EPHA6: variants seen among roughly 807,000 people sequenced by gnomAD.
EPHA6 encodes ephrin type-A receptor 6.
In EPHA6, 50 loss-of-function variants were observed where a neutral mutation model predicts 112.0. That is an observed-to-expected ratio of 0.45 (90% CI 0.36 to 0.56). The LOEUF (loss-of-function observed/expected upper bound fraction) is 0.56, where lower values mean the gene tolerates loss of function less well. Ranked by LOEUF, EPHA6 falls within the 20% of genes least tolerant of loss-of-function variation. The pLI is 0.00. For missense variants in EPHA6, 1,280 were observed against 1,417.4 expected (o/e 0.90, Z 1.56); for synonymous variants, 529 against 490.7 (o/e 1.08, Z -1.03).
At chr3:97,567,734 A>G (rs995444006) in intron 11 of EPHA6, among the ~76,000 whole-genome samples, 6 of 152,176 alleles carry the variant, frequency 3.9e-5, no homozygotes, top group Non-Finnish European at 8.8e-5. Context: ...CCTCTTACCC[A>G]TGAACGTGCA....
intron 11 of EPHA6, among the ~76,000 whole-genome samples, chr3:97,580,281 A>G (rs1447402351): frequency 1.3e-5 from 2 of 152,178 alleles, no homozygotes. Flanking sequence ...ATAATCATTC[A>G]CCACCCCTAG....
intron 14 of EPHA6, among the ~76,000 whole-genome samples, chr3:97,719,509 G>A (rs1293820255): frequency 6.6e-6 from 1 of 151,856 alleles, no homozygotes; most frequent in East Asian, 1.9e-4. Context: ...CAGTAAAAAG[G>A]GATTTATAGA....
chr3:97,413,913 A>G (rs967631160), intron 6 of EPHA6, among the ~76,000 whole-genome samples: 1 of 152,006 alleles, frequency 6.6e-6, no homozygotes, highest in Non-Finnish European at 1.5e-5. Flanking sequence ...AACTGGCCTT[A>G]CCAAAGAGTT....
chr3:96,914,136 A>G (rs1040294131), intron 2 of EPHA6, among the ~76,000 whole-genome samples: 2 of 152,188 alleles, frequency 1.3e-5, no homozygotes, highest in African/African-American at 4.8e-5. Context: ...ATGCCGGCAC[A>G]AAAGAATGCA....
intron 5 of EPHA6, 36 bp from the exon 6 acceptor site, chr3:97,405,114 T>C: frequency 6.4e-7 from 1 of 1,553,556 alleles, no homozygotes; most frequent in Non-Finnish European, 8.7e-7. Context: ...AAATGATTCC[T>C]GCCAATTAAT....
Position 96,908,371 on chromosome 3 carries a change from G to A in EPHA6, c.450+41482G>A, listed in dbSNP as rs538064945. 2.6e-5 allele frequency among the ~76,000 whole-genome samples: 4 copies of A among 152,006 alleles called. No individual in the cohort carries two copies. The East Asian group carries it at 7.7e-4, about 29-fold the overall frequency. On this transcript the variant is annotated intron_variant, in intron 2 of 17. Coordinates refer to ENST00000389672, the MANE Select transcript of EPHA6 (RefSeq NM_001080448.3). Reference sequence around the variant, plus strand: ...GAATAACCACAGAGCTTTGCAAAATGTTTTATATATTTTACCAGAGATTTG... The same window carrying A: ...GAATAACCACAGAGCTTTGCAAAATATTTTATATATTTTACCAGAGATTTG...
chr3:96,920,228 C>T (rs969603997), intron 2 of EPHA6, among the ~76,000 whole-genome samples: 3 of 151,644 alleles, frequency 2.0e-5, no homozygotes, highest in Non-Finnish European at 4.4e-5. Context: ...CTTCCTACAG[C>T]CAAAGATGAT....
At chr3:96,875,780 G>A (rs1392054300) in intron 2 of EPHA6, among the ~76,000 whole-genome samples, 1 of 151,760 alleles carries the variant, frequency 6.6e-6, no homozygotes, top group East Asian at 1.9e-4. Flanking sequence ...TAAAAGGTAT[G>A]GGTCTCATTA....
At chr3:97,068,264 A>G (rs986347033) in intron 3 of EPHA6, among the ~76,000 whole-genome samples, 3 of 151,882 alleles carry the variant, frequency 2.0e-5, no homozygotes, top group African/African-American at 7.3e-5. Flanking sequence ...ATGAGCTGAT[A>G]GGCAGAAGCC....
intron 12 of EPHA6, among the ~76,000 whole-genome samples, chr3:97,600,400 G>A (rs1466855076): frequency 1.3e-5 from 2 of 150,536 alleles, no homozygotes; most frequent in East Asian, 3.9e-4. Context: ...ATTGGCTGTG[G>A]GTTTGTCATA....
chr3:97,629,132 T>C (rs1297716497), intron 13 of EPHA6, among the ~76,000 whole-genome samples: 1 of 151,946 alleles, frequency 6.6e-6, no homozygotes, highest in Admixed American at 6.6e-5. Context: ...CTTACTCTGT[T>C]GCCCAGGCTT....
In EPHA6 at chr3:96,882,167, G is replaced by T. The variant is rs140035801; in HGVS notation, c.450+15278G>T. Among the ~76,000 whole-genome samples the T allele has an allele frequency of 3.1e-3, 468 of 152,238 alleles. 1 individual carries two copies. Among genetic ancestry groups the T allele is most frequent in the Non-Finnish European group, 5.0e-3 (337 of 68,012 alleles). ...TGTAGGAACTCTGTGTGGAGGCTCT[G>T]ACCCCACATTTCCCTTCCGCACTTT... On this transcript the variant is annotated intron_variant, in intron 2 of 17. Transcript: ENST00000389672.
Position 97,139,675 on chromosome 3 carries a change from G to T in EPHA6, c.1115-86589G>T, listed in dbSNP as rs1576556764. On this transcript the variant is annotated intron_variant, in intron 3 of 17. Coordinates refer to ENST00000389672, the MANE Select transcript of EPHA6 (RefSeq NM_001080448.3). The stretch of plus-strand genomic sequence containing the variant: ...CATGTGCAACACTCCCACCCTCGGG[G>T]GGAAACAAATCCCTCCCAAACAAAA... 3.3e-5 allele frequency among the ~76,000 whole-genome samples: 5 copies of T among 152,206 alleles called. 1 individual carries two copies. The East Asian group carries it at 9.7e-4, about 29-fold the overall frequency.
chr3:97,007,492 T>C (rs1162775113), intron 3 of EPHA6, among the ~76,000 whole-genome samples: 2 of 152,028 alleles, frequency 1.3e-5, no homozygotes, highest in African/African-American at 4.8e-5. Flanking sequence ...TTTGAGCCTG[T>C]GTGTGTCTTT....
intron 2 of EPHA6, among the ~76,000 whole-genome samples, chr3:96,927,993 G>C (rs545695565): frequency 3.9e-5 from 6 of 152,300 alleles, no homozygotes; most frequent in Admixed American, 2.6e-4. Flanking sequence ...AAGCGAGTGT[G>C]TGAAGGAGGA....
At chr3:97,377,384 C>G (rs2085432757) in intron 5 of EPHA6, among the ~76,000 whole-genome samples, 2 of 152,138 alleles carry the variant, frequency 1.3e-5, no homozygotes, top group African/African-American at 4.8e-5. Flanking sequence ...TAGAATTAAA[C>G]CTCTTTTCCT....
chr3:97,286,992 T>C (rs1164738137), intron 5 of EPHA6, among the ~76,000 whole-genome samples: 4 of 151,796 alleles, frequency 2.6e-5, no homozygotes, highest in Non-Finnish European at 4.4e-5. Context: ...TTTGTTTTTA[T>C]GCAGCTGTTA....
chr3:97,366,999 C>T (rs1273016734), intron 5 of EPHA6, among the ~76,000 whole-genome samples: 1 of 152,080 alleles, frequency 6.6e-6, no homozygotes, highest in African/African-American at 2.4e-5. Flanking sequence ...GAGATATTAC[C>T]ATCCTCTTAT....
chr3:97,420,412 G>A (rs1039805875), intron 6 of EPHA6, among the ~76,000 whole-genome samples: 2 of 151,868 alleles, frequency 1.3e-5, no homozygotes, highest in Admixed American at 1.3e-4. Flanking sequence ...AATTTTCCAA[G>A]ATCAAATTTA....
Sources: gnomAD v4.1 joint callset for allele counts (sites outside exome capture counted in the v4.1 genomes callset) on GRCh38, gnomAD v4.1.1 for gene constraint, MANE v1.5 for transcripts, NCBI Gene and HGNC (gene_info 2026-07-23, HGNC 2026-07-21) for gene names.